The following RBM20 variants were observed in gnomAD, a reference collection of about 807,000 sequenced individuals.
RBM20 encodes the protein RNA-binding protein 20.
In RBM20, 51 loss-of-function variants were observed where a neutral mutation model predicts 110.1. The observed-to-expected ratio is 0.46, with a 90% CI of 0.37 to 0.59. The LOEUF (loss-of-function observed/expected upper bound fraction) is 0.59. Ranked by LOEUF, RBM20 falls within the 20% of genes least tolerant of loss-of-function variation. The pLI is 0.00. For missense variants in RBM20, 1,512 were observed against 1,574.9 expected (o/e 0.96, Z 0.68); for synonymous variants, 589 against 618.2 (o/e 0.95, Z 0.70).
chr10:110,821,088 A>G lies in RBM20; in HGVS notation c.2656-187A>G, dbSNP rs142674825. ...GATTAAGCATTAAGGGCCTATTCCAAACTTTGAGCATCACCCTAAAGATGA... is the reference window on the plus strand; with the variant it reads ...GATTAAGCATTAAGGGCCTATTCCAGACTTTGAGCATCACCCTAAAGATGA... On this transcript the variant is annotated intron_variant, in intron 10 of 13. Coordinates refer to ENST00000369519, the MANE Select transcript of RBM20 (RefSeq NM_001134363.3). Among the ~76,000 whole-genome samples, 636 of 152,334 alleles carry G rather than the reference A, an allele frequency of 4.2e-3. 2 individuals carry two copies. Among genetic ancestry groups the G allele is most frequent in the Non-Finnish European group, 7.2e-3 (490 of 68,034 alleles).
At chr10:110,749,462 A>T (rs898785398) in intron 1 of RBM20, among the ~76,000 whole-genome samples, 2 of 152,260 alleles carry the variant, frequency 1.3e-5, no homozygotes, top group Non-Finnish European at 2.9e-5. Context: ...AGAAAAAATT[A>T]TAAAACATAA....
chr10:110,823,448 T>G, intron 11 of RBM20, 32 bp from the exon 12 acceptor site: 1 of 1,177,092 alleles, frequency 8.5e-7, no homozygotes, highest in Non-Finnish European at 1.1e-6. Flanking sequence ...TTTTTTTTTT[T>G]TTTTTTTTTT....
chr10:110,781,989 G>A lies in RBM20; in HGVS notation c.1275+105G>A, dbSNP rs971661231. On this transcript the variant is annotated intron_variant, in intron 2 of 13. Transcript: ENST00000369519. Reference sequence around the variant, plus strand: ...ATGGGCAAGGAACTGTTGCATTGGGGTAACAGAATTTTGCCATCAGTATTC... The same window carrying A: ...ATGGGCAAGGAACTGTTGCATTGGGATAACAGAATTTTGCCATCAGTATTC... 38 of 1,402,176 alleles carry A rather than the reference G, an allele frequency of 2.7e-5. No individual in the cohort carries two copies. The Admixed American group carries it at 7.3e-4, about 27-fold the overall frequency. 86.9% of individuals were successfully genotyped at this position (1,402,176 alleles called of 1,614,324 possible).
At chr10:110,830,459 AAAG>A (rs1845036265) in intron 12 of RBM20, among the ~76,000 whole-genome samples, 1 of 152,212 alleles carries the variant, frequency 6.6e-6, no homozygotes, top group Non-Finnish European at 1.5e-5. Context: ...TTCACGAAAA[AAAG>A]AGGACAGAGA....
rs1844784087 is a variant in RBM20, at chr10:110,812,537, C to T, written c.2140C>T (p.His714Tyr). ...MDPWAHDRKH[H>Y]PRQLDKAELD... ...CCCCTGGGCACATGATCGCAAACAC[C>T]ACCCCCGGCAACTGGACAAGGCTGA... Residue 714 changes from histidine to tyrosine, a missense_variant, in exon 9 of 14, where the codon CAC (histidine) becomes TAC (tyrosine). This residue lies in a region of RBM20 where 1,149 missense variants were observed against 1,169.4 expected (regional missense o/e 0.98). Transcript: ENST00000369519. 2 of 1,551,600 alleles carry T rather than the reference C, an allele frequency of 1.3e-6. No homozygotes were observed. The highest frequency in any genetic ancestry group is 1.7e-6 in the Non-Finnish European group (2 of 1,147,014).
intron 12 of RBM20, among the ~76,000 whole-genome samples, chr10:110,829,393 C>T (rs1230159225): frequency 6.6e-6 from 1 of 152,190 alleles, no homozygotes; most frequent in Non-Finnish European, 1.5e-5. Flanking sequence ...TCCCTCCGGG[C>T]ACCTGGGCCT....
At chr10:110,708,453 A>G (rs1236122847) in intron 1 of RBM20, among the ~76,000 whole-genome samples, 4 of 152,204 alleles carry the variant, frequency 2.6e-5, no homozygotes, top group Non-Finnish European at 5.9e-5. Flanking sequence ...TAAGTATTAG[A>G]TAAGTGGTGT....
intron 5 of RBM20, among the ~76,000 whole-genome samples, chr10:110,786,967 G>A (rs1252335433): frequency 6.6e-6 from 1 of 152,182 alleles, no homozygotes; most frequent in African/African-American, 2.4e-5. Flanking sequence ...AGGACATTCT[G>A]CAGTCTGTCC....
intron 5 of RBM20, among the ~76,000 whole-genome samples, chr10:110,795,918 C>T (rs1480873664): frequency 6.6e-6 from 1 of 152,192 alleles, no homozygotes; most frequent in Non-Finnish European, 1.5e-5. Flanking sequence ...AGGTGGGGGT[C>T]GTGCCAGGGT....
At chr10:110,811,829 T>C (rs1032877096) in intron 8 of RBM20, among the ~76,000 whole-genome samples, 2 of 152,178 alleles carry the variant, frequency 1.3e-5, no homozygotes, top group African/African-American at 2.4e-5. Context: ...TCAAGTCTTG[T>C]AGCTAAGAGG....
intron 1 of RBM20, among the ~76,000 whole-genome samples, chr10:110,763,656 C>T (rs546515842): frequency 6.6e-6 from 1 of 151,758 alleles, no homozygotes; most frequent in Non-Finnish European, 1.5e-5. Context: ...AGAACGGTGG[C>T]TCCTCGGAAG....
chr10:110,832,134 T>C (rs1466501280), intron 13 of RBM20, among the ~76,000 whole-genome samples: 1 of 120,792 alleles, frequency 8.3e-6, no homozygotes, highest in African/African-American at 2.7e-5. Flanking sequence ...TGTAATATAT[T>C]AGAATGTGGT....
At chr10:110,783,628 T>C (rs1341097105) in intron 3 of RBM20, among the ~76,000 whole-genome samples, 1 of 152,236 alleles carries the variant, frequency 6.6e-6, no homozygotes, top group Non-Finnish European at 1.5e-5. Context: ...ACAGCATCCC[T>C]GGTGGTAAAT....
At chr10:110,779,611 G>T (rs979613142) in intron 1 of RBM20, among the ~76,000 whole-genome samples, 1 of 152,202 alleles carries the variant, frequency 6.6e-6, no homozygotes, top group Non-Finnish European at 1.5e-5. Context: ...ATCCAAAGTG[G>T]GGGGACAGTC....
At chr10:110,696,329 T>A (rs558526638) in intron 1 of RBM20, among the ~76,000 whole-genome samples, 39 of 152,230 alleles carry the variant, frequency 2.6e-4, no homozygotes, top group Non-Finnish European at 2.9e-4. Context: ...TGGCTTTTTT[T>A]TCTCTCCAGA....
chr10:110,772,182 A>G (rs1844202544), intron 1 of RBM20, among the ~76,000 whole-genome samples: 1 of 152,224 alleles, frequency 6.6e-6, no homozygotes, highest in Non-Finnish European at 1.5e-5. Context: ...TTTGAGCCAC[A>G]TTTCACTCTG....
chr10:110,662,388 C>A (rs1002335920), intron 1 of RBM20, among the ~76,000 whole-genome samples: 3 of 152,204 alleles, frequency 2.0e-5, no homozygotes, highest in African/African-American at 7.2e-5. Flanking sequence ...CTGGGTCAGG[C>A]AGTTCCTTGA....
At chr10:110,807,543 G>C (rs1844710217) in intron 7 of RBM20, among the ~76,000 whole-genome samples, 1 of 152,214 alleles carries the variant, frequency 6.6e-6, no homozygotes, top group Non-Finnish European at 1.5e-5. Flanking sequence ...AAGGGACCAA[G>C]AGCTCGTGGA....
chr10:110,652,333 C>G (rs952769665), intron 1 of RBM20, among the ~76,000 whole-genome samples: 1 of 152,138 alleles, frequency 6.6e-6, no homozygotes. Context: ...AACAGTAGTT[C>G]TAACTCTGGG....
Sources: gnomAD v4.1 joint callset for allele counts (sites outside exome capture counted in the v4.1 genomes callset) on GRCh38, gnomAD v4.1.1 for gene constraint, gnomAD v4.1.1 regional missense constraint, MANE v1.5 for transcripts, NCBI Gene and HGNC (gene_info 2026-07-23, HGNC 2026-07-21) for gene names.